The following ARHGAP35 variants were observed in gnomAD, a reference collection of about 807,000 sequenced individuals.
ARHGAP35 encodes Rho GTPase activating protein 35, also known as rho GTPase-activating protein 35.
Under a neutral mutation model 111.1 loss-of-function variants are expected in ARHGAP35, and 15 were observed. That is an observed-to-expected ratio of 0.13 (90% CI 0.09 to 0.21). ARHGAP35 has a LOEUF of 0.21. ARHGAP35 is among the 10% of genes least tolerant of loss of function. The pLI is 1.00. For missense variants in ARHGAP35, 1,262 were observed against 1,873.0 expected, an observed-to-expected ratio of 0.67 and a Z score of 6.02; for synonymous variants, 643 against 710.3, an observed-to-expected ratio of 0.91 and a Z score of 1.51.
In ARHGAP35 at chr19:46,989,887, A is replaced by G. The variant is rs954209969; in HGVS notation, c.4036+212A>G. Among the ~76,000 whole-genome samples, 3 of 152,114 alleles carry G rather than the reference A, an allele frequency of 2.0e-5. No individual in the cohort carries two copies. Among genetic ancestry groups the G allele is most frequent in the African/African-American group, 7.2e-5 (3 of 41,412 alleles). On this transcript the variant is annotated intron_variant, in intron 5 of 6. Coordinates refer to ENST00000672722, the MANE Select transcript of ARHGAP35 (RefSeq NM_004491.5). The surrounding 1 kb of genome is among the most constrained non-coding windows in gnomAD (Gnocchi z 5.3). ...GTGCTTATCTGAGGGTTACACCAAGAGAGTTGCAGGTTTCCCCCAAACTCT... is the reference window on the plus strand; with the variant it reads ...GTGCTTATCTGAGGGTTACACCAAGGGAGTTGCAGGTTTCCCCCAAACTCT...
chr19:46,875,280 C>G (rs1236913790), intron 1 of ARHGAP35, among the ~76,000 whole-genome samples: 1 of 152,122 alleles, frequency 6.6e-6, no homozygotes, highest in African/African-American at 2.4e-5. Flanking sequence ...GGTTGGCGTT[C>G]AGACATCAGG....
At chr19:46,935,272 C>T (rs1279367290) in intron 2 of ARHGAP35, among the ~76,000 whole-genome samples, 1 of 152,146 alleles carries the variant, frequency 6.6e-6, no homozygotes, top group African/African-American at 2.4e-5. Flanking sequence ...AGAATCCATT[C>T]ACATTATAGC....
chr19:46,916,957 T>TC (rs990878730), intron 1 of ARHGAP35, among the ~76,000 whole-genome samples: 1 of 152,106 alleles, frequency 6.6e-6, no homozygotes, highest in African/African-American at 2.4e-5. Flanking sequence ...TTCCTGCATT[T>TC]CTTTTTTTTT....
chr19:46,906,627 T>C (rs2056109525), intron 1 of ARHGAP35, among the ~76,000 whole-genome samples: 1 of 152,234 alleles, frequency 6.6e-6, no homozygotes, highest in Admixed American at 6.5e-5. Context: ...CCACTTTGTA[T>C]TTAGTATTTT....
intron 1 of ARHGAP35, among the ~76,000 whole-genome samples, chr19:46,909,253 T>C (rs2056126011): frequency 6.6e-6 from 1 of 152,118 alleles, no homozygotes; most frequent in South Asian, 2.1e-4. Flanking sequence ...CAGTGAGCTG[T>C]GATTGCACCA....
chr19:46,888,292 ATATATATATATATAT>A (rs2056004557), intron 1 of ARHGAP35, among the ~76,000 whole-genome samples: 3 of 66,020 alleles, frequency 4.5e-5, no homozygotes, highest in African/African-American at 2.0e-4. Flanking sequence ...ATATATATAT[ATATATATATATATAT>A]ATATATATAT....
In ARHGAP35 at chr19:46,922,395, C is replaced by T. The variant is rs369413520; in HGVS notation, c.3681+39C>T. The T allele has an allele frequency of 9.4e-6, 14 of 1,484,758 alleles. No individual in the cohort carries two copies. The African/African-American group carries it at 2.0e-4, about 21-fold the overall frequency. 92.0% of individuals were successfully genotyped at this position (1,484,758 alleles called of 1,614,324 possible). Reference sequence around the variant, plus strand: ...CTAGGATTAGTCATAGTGTTTTGTACAGCGTCTCGGTGAGGGTTGATTGAT... The same window carrying T: ...CTAGGATTAGTCATAGTGTTTTGTATAGCGTCTCGGTGAGGGTTGATTGAT... On this transcript the variant is annotated intron_variant, in intron 2 of 6. Transcript: ENST00000672722. The surrounding 1 kb of genome is among the most constrained non-coding windows in gnomAD (Gnocchi z 4.0).
rs1048447500 is a variant in ARHGAP35 at position 46,989,966 on chromosome 19, G to A, written c.4036+291G>A. ...AGACTTGGCTCCTTCGCTTGTGGCC[G>A]ACTTAACCTTCCCTGCCCCTTGTGT... is the stretch of plus-strand genomic sequence containing the variant. On this transcript the variant is annotated intron_variant, in intron 5 of 6. Coordinates refer to ENST00000672722, the MANE Select transcript of ARHGAP35 (RefSeq NM_004491.5). The surrounding 1 kb of genome is among the most constrained non-coding windows in gnomAD (Gnocchi z 5.3). 3.9e-5 allele frequency among the ~76,000 whole-genome samples: 6 copies of A among 152,174 alleles called. No homozygotes were observed. The highest frequency in any genetic ancestry group is 7.3e-5 in the Non-Finnish European group (5 of 68,036).
chr19:46,908,793 C>T lies in ARHGAP35; in HGVS notation c.-188-9695C>T, dbSNP rs541595447. Reference sequence around the variant, plus strand: ...AAGCCTGGAAGCATGAGAACTGTGGCGGGGGAAAAATGGGCTACTTGCTGT... The same window carrying T: ...AAGCCTGGAAGCATGAGAACTGTGGTGGGGGAAAAATGGGCTACTTGCTGT... On this transcript the variant is annotated intron_variant, in intron 1 of 6. Coordinates refer to ENST00000672722, the MANE Select transcript of ARHGAP35 (RefSeq NM_004491.5). This position sits in a 1 kb window ranked among gnomAD's most constrained non-coding sequence, Gnocchi z 4.2. Among the ~76,000 whole-genome samples, 836 of 152,036 alleles carry T rather than the reference C, an allele frequency of 5.5e-3. 7 individuals are homozygous for T. The highest frequency in any genetic ancestry group is 0.019 in the African/African-American group (804 of 41,458).
In ARHGAP35 at chr19:46,999,522, C is replaced by CT; in HGVS notation, c.4142+114dup. 1 of 731,370 alleles carries CT rather than the reference C, an allele frequency of 1.4e-6. No homozygotes were observed. The highest frequency in any genetic ancestry group is 1.9e-5 in the South Asian group (1 of 53,628). The allele number at this position is 731,370 out of a possible 1,614,324, so 45.3% of individuals were successfully genotyped here. ...GCCAGTAGAAGCCTCAGGCCCTGGCCTGGAAGGGGTGCTGGCTGGCCTCCC... is the reference window on the plus strand; with the variant it reads ...GCCAGTAGAAGCCTCAGGCCCTGGCCTTGGAAGGGGTGCTGGCTGGCCTCCC... On this transcript the variant is annotated intron_variant, in intron 6 of 6. Coordinates refer to ENST00000672722, the MANE Select transcript of ARHGAP35 (RefSeq NM_004491.5). The surrounding 1 kb of genome is among the most constrained non-coding windows in gnomAD (Gnocchi z 5.4).
In ARHGAP35 at chr19:46,988,169, C is replaced by A. The variant is rs556758589; in HGVS notation, c.3904+103C>A. 2.6e-6 allele frequency: 3 copies of A among 1,148,890 alleles called. No individual in the cohort carries two copies. Among genetic ancestry groups the A allele is most frequent in the East Asian group, 5.1e-5 (2 of 39,172 alleles). The allele number at this position is 1,148,890 out of a possible 1,614,324, so 71.2% of individuals were successfully genotyped here. A position where few individuals can be genotyped will look rare whatever the true frequency, so the allele number is the denominator to read the frequency against. On this transcript the variant is annotated intron_variant, in intron 4 of 6. Transcript: ENST00000672722. This position sits in a 1 kb window ranked among gnomAD's most constrained non-coding sequence, Gnocchi z 5.4. Reference sequence around the variant, plus strand: ...GGGCTTCGGAGCACTCCTGCCAGCACAGACCCAAAGCCACGAGGTGCTGAG... The same window carrying A: ...GGGCTTCGGAGCACTCCTGCCAGCAAAGACCCAAAGCCACGAGGTGCTGAG...
In ARHGAP35 at chr19:46,988,342, C is replaced by T; in HGVS notation, c.3904+276C>T. ...GATGCTCTTCCAGGTTGCCCGGGCACATGCCTCCCTCACCACACTGAAGAG... is the reference window on the plus strand; with the variant it reads ...GATGCTCTTCCAGGTTGCCCGGGCATATGCCTCCCTCACCACACTGAAGAG... On this transcript the variant is annotated intron_variant, in intron 4 of 6. Transcript: ENST00000672722. This position sits in a 1 kb window ranked among gnomAD's most constrained non-coding sequence, Gnocchi z 5.4. 2.3e-6 allele frequency: 1 copy of T among 434,082 alleles called. No individual in the cohort carries two copies. The highest frequency in any genetic ancestry group is 4.6e-5 in the East Asian group (1 of 21,542). The allele number at this position is 434,082 out of a possible 1,614,324, so 26.9% of individuals were successfully genotyped here.
chr19:46,880,863 A>G (rs547335459), intron 1 of ARHGAP35, among the ~76,000 whole-genome samples: 2 of 150,134 alleles, frequency 1.3e-5, no homozygotes, highest in Non-Finnish European at 3.0e-5. Flanking sequence ...TTTTTAAGAG[A>G]TGGAGTCTTA....
chr19:47,001,295 G>A lies in ARHGAP35; in HGVS notation c.*607G>A, dbSNP rs779052058. 7.7e-7 allele frequency: 1 copy of A among 1,290,376 alleles called. No homozygotes were observed. The highest frequency in any genetic ancestry group is 1.0e-6 in the Non-Finnish European group (1 of 989,290). The allele number at this position is 1,290,376 out of a possible 1,614,324, so 79.9% of individuals were successfully genotyped here. ...ATAGCTTTGTGCCTGGACCCAGAGAGTGTGGGACTCCCCGCTTCATCCCCA... is the reference window on the plus strand; with the variant it reads ...ATAGCTTTGTGCCTGGACCCAGAGAATGTGGGACTCCCCGCTTCATCCCCA... On this transcript the variant is annotated 3_prime_UTR_variant, in exon 7 of 7. Transcript: ENST00000672722. This position sits in a 1 kb window ranked among gnomAD's most constrained non-coding sequence, Gnocchi z 5.4.
intron 3 of ARHGAP35, among the ~76,000 whole-genome samples, chr19:46,956,542 C>A (rs997448398): frequency 9.9e-5 from 15 of 151,990 alleles, no homozygotes; most frequent in Non-Finnish European, 1.5e-5. Flanking sequence ...GCCTCGGCCT[C>A]CCAAAGTGCT....
chr19:46,956,956 C>CTTTTTTT lies in ARHGAP35; in HGVS notation c.3826+19563_3826+19569dup, dbSNP rs11449203. On this transcript the variant is annotated intron_variant, in intron 3 of 6. Coordinates refer to ENST00000672722, the MANE Select transcript of ARHGAP35 (RefSeq NM_004491.5). The stretch of plus-strand genomic sequence containing the variant: ...TATCATTAGCTGTTCTTAAAGCAGA[C>CTTTTTTT]TTTTTTTTTTTTTTTTTTTTTGAGA... Among the ~76,000 whole-genome samples the CTTTTTTT allele has an allele frequency of 1.6e-4, 17 of 107,594 alleles. 1 individual carries two copies. The highest frequency in any genetic ancestry group is 2.6e-4 in the Non-Finnish European group (14 of 54,704). The allele number at this position is 107,594 out of a possible 152,430, so 70.6% of individuals were successfully genotyped here.
chr19:46,947,186 A>G (rs762001660), intron 3 of ARHGAP35: 5 of 152,222 alleles, frequency 3.3e-5, no homozygotes, highest in Non-Finnish European at 7.3e-5. Context: ...TGTTCATTAA[A>G]TGAGTATTTA....
At chr19:46,863,562 C>A (rs1249958816) in intron 1 of ARHGAP35, among the ~76,000 whole-genome samples, 1 of 152,052 alleles carries the variant, frequency 6.6e-6, no homozygotes, top group African/African-American at 2.4e-5. Context: ...TTCTCACTTT[C>A]CCTCCTTCCT....
chr19:46,940,387 G>A (rs1484047383), intron 3 of ARHGAP35, among the ~76,000 whole-genome samples: 1 of 149,994 alleles, frequency 6.7e-6, no homozygotes, highest in Non-Finnish European at 1.5e-5. Context: ...AATTAGCTGG[G>A]CATGGTGGCA....
Sources: gnomAD v4.1 joint callset for allele counts (sites outside exome capture counted in the v4.1 genomes callset) on GRCh38, gnomAD v4.1.1 for gene constraint, Gnocchi (gnomAD v3.1) non-coding constraint, MANE v1.5 for transcripts, NCBI Gene and HGNC (gene_info 2026-07-23, HGNC 2026-07-21) for gene names.